The following ZNF814 variants were observed in gnomAD, a reference collection of about 807,000 sequenced individuals.
The protein encoded by ZNF814 is zinc finger protein 814.
ZNF814 carries 5 observed loss-of-function variants against 7.5 expected under a neutral mutation model. That is an observed-to-expected ratio of 0.67 (90% CI 0.35 to 1.40). The LOEUF is 1.40. Ranked by LOEUF, ZNF814 falls within the 40% of genes most tolerant of loss-of-function variation. The probability of loss-of-function intolerance (pLI) is 0.04; values close to 1 mark genes in which losing one functional copy is unlikely to be tolerated. For synonymous variants in ZNF814, 315 were observed against 340.7 expected, an observed-to-expected ratio of 0.92 and a Z score of 0.83; for missense variants, 962 against 1,018.0, an observed-to-expected ratio of 0.94 and a Z score of 0.75.
Position 57,879,434 on chromosome 19 carries a change from GTGAATGCATAACACAGGTTA to G in ZNF814, c.37-2412_37-2393del, listed in dbSNP as rs546933365. On this transcript the variant is annotated intron_variant, in intron 1 of 2. Coordinates refer to ENST00000435989, the MANE Select transcript of ZNF814 (RefSeq NM_001144989.2). ...ATTGTCACTTACCTCCCTCTCCTGT[GTGAATGCATAACACAGGTTA>G]TGAATGCCAATAATGTCCGCCAGGG... 4.0e-3 allele frequency among the ~76,000 whole-genome samples: 590 copies of G among 148,872 alleles called. 3 individuals are homozygous for G. Among genetic ancestry groups the G allele is most frequent in the African/African-American group, 0.014 (567 of 40,538 alleles).
At chr19:57,903,664 G>A in the ZNF814 span, among the ~76,000 whole-genome samples, 1 of 152,208 alleles carries the variant, frequency 6.6e-6, no homozygotes, top group African/African-American at 2.4e-5. Flanking sequence ...CCAATGGGTT[G>A]TCTGCAATCA....
rs1386756654 is a variant in ZNF814, at chr19:57,888,982, T to C, written c.-180A>G. On this transcript the variant is annotated 5_prime_UTR_variant, in exon 1 of 3. Coordinates refer to ENST00000435989, the MANE Select transcript of ZNF814 (RefSeq NM_001144989.2). ...CGACTTCTGGGTTCAGTCACCACAG[T>C]GCGGACCTAGCGCTCAGGAGCCTCT... The C allele has an allele frequency of 6.6e-5, 42 of 640,632 alleles. No individual in the cohort carries two copies. In the East Asian group the frequency reaches 1.1e-3, roughly 16 times the overall value. 39.7% of individuals were successfully genotyped at this position (640,632 alleles called of 1,614,324 possible). A position where few individuals can be genotyped will look rare whatever the true frequency, so the allele number is the denominator to read the frequency against.
the ZNF814 span, among the ~76,000 whole-genome samples, chr19:57,895,342 C>T: frequency 6.7e-6 from 1 of 149,652 alleles, no homozygotes; most frequent in East Asian, 2.0e-4. Flanking sequence ...GTGGTGCGAT[C>T]TCGGCTCACT....
At chr19:57,887,255 T>C (rs2071700819) in intron 1 of ZNF814, among the ~76,000 whole-genome samples, 1 of 152,160 alleles carries the variant, frequency 6.6e-6, no homozygotes, top group Admixed American at 6.5e-5. Flanking sequence ...ACAAGGAAAC[T>C]CTTCCACTAT....
At chr19:57,901,786 C>A in the ZNF814 span, 2 of 398,500 alleles carry the variant, frequency 5.0e-6, no homozygotes, top group Non-Finnish European at 8.8e-6. Flanking sequence ...CTTACTGTGG[C>A]GGTAAGCCTC....
At chr19:57,892,698 C>A (rs140647703), upstream of ZNF814, among the ~76,000 whole-genome samples, 2 of 152,342 alleles carry the variant, frequency 1.3e-5, no homozygotes, top group Non-Finnish European at 2.9e-5. Context: ...GATCCCCTTG[C>A]TACTGACAAG....
At chr19:57,876,817 C>T (rs2071610511) in intron 2 of ZNF814, 99 bp downstream of exon 2, 2 of 1,558,174 alleles carry the variant, frequency 1.3e-6, no homozygotes, top group African/African-American at 2.7e-5. Context: ...AAGCAGGAAG[C>T]TGTGTCCATG....
chr19:57,904,145 T>G, the ZNF814 span, among the ~76,000 whole-genome samples: 1 of 152,126 alleles, frequency 6.6e-6, no homozygotes, highest in Non-Finnish European at 1.5e-5. Context: ...ATAAATTGAT[T>G]GTATCTTGAA....
At chr19:57,900,839 A>AG in the ZNF814 span, among the ~76,000 whole-genome samples, 1 of 45,782 alleles carries the variant, frequency 2.2e-5, no homozygotes, top group African/African-American at 8.0e-5. Context: ...CCATGGCTGC[A>AG]TTTTTTTTTT....
In ZNF814 at chr19:57,871,799, A is replaced by T. The variant is rs1224725528; in HGVS notation, c.*1023T>A. ...CAAATCCTTCTGTGACTCGATCAGAAATTAAAAGTTAAAAAAAAAAAAAAA... is the reference window on the plus strand; with the variant it reads ...CAAATCCTTCTGTGACTCGATCAGATATTAAAAGTTAAAAAAAAAAAAAAA... On this transcript the variant is annotated 3_prime_UTR_variant, in exon 3 of 3. Coordinates refer to ENST00000435989, the MANE Select transcript of ZNF814 (RefSeq NM_001144989.2). 3.5e-5 allele frequency: 5 copies of T among 141,282 alleles called. No individual in the cohort carries two copies. Among genetic ancestry groups the T allele is most frequent in the Non-Finnish European group, 7.5e-5 (5 of 66,474 alleles). The allele number at this position is 141,282 out of a possible 1,614,324, so 8.8% of individuals were successfully genotyped here. A position where few individuals can be genotyped will look rare whatever the true frequency, so the allele number is the denominator to read the frequency against.
At chr19:57,886,037 T>C (rs2071690548) in intron 1 of ZNF814, 2 of 150,110 alleles carry the variant, frequency 1.3e-5, no homozygotes, top group African/African-American at 4.9e-5. Context: ...ACACCTATTA[T>C]ATACCCACAA....
chr19:57,873,518 G>A lies in ZNF814; in HGVS notation c.1872C>T (p.Arg624=). ...SHKRSLVHHQ[R]MHTGERPYKC... ...TGTAAGGTCTTTCTCCAGTGTGCAT[G>A]CGCTGATGGTGAACAAGGCTGCGCT... is the stretch of plus-strand genomic sequence containing the variant. The change falls in exon 3 of 3, where the codon CGC becomes CGT. Residue 624 remains arginine (R), a synonymous_variant. Transcript: ENST00000435989. The A allele has an allele frequency of 6.2e-7, 1 of 1,612,628 alleles. No homozygotes were observed.
At position 57,869,598 on chromosome 19, in the gene ZNF814, A is replaced by C. The variant is rs2071538659; in HGVS notation, c.*3224T>G. 2.0e-5 allele frequency: 3 copies of C among 152,194 alleles called. No individual in the cohort carries two copies. The highest frequency in any genetic ancestry group is 2.0e-4 in the Admixed American group (3 of 15,264). The allele number at this position is 152,194 out of a possible 1,614,324, so 9.4% of individuals were successfully genotyped here. ...AAACTCAAGATTTATCACATGCTACAGCTTAAATATGCATAGCTTACTGAA... is the reference window on the plus strand; with the variant it reads ...AAACTCAAGATTTATCACATGCTACCGCTTAAATATGCATAGCTTACTGAA... On this transcript the variant is annotated 3_prime_UTR_variant, in exon 3 of 3. Coordinates refer to ENST00000435989, the MANE Select transcript of ZNF814 (RefSeq NM_001144989.2).
chr19:57,872,483 A>T lies in ZNF814; in HGVS notation c.*339T>A, dbSNP rs1219000927. ...AAGAGGTGTGGCTACAAAATTGCCC[A>T]AATGTATTTTATTTGTCTAGTGTGA... On this transcript the variant is annotated 3_prime_UTR_variant, in exon 3 of 3. Transcript: ENST00000435989. 8.5e-6 allele frequency: 4 copies of T among 470,986 alleles called. No homozygotes were observed. 29.2% of individuals were successfully genotyped at this position (470,986 alleles called of 1,614,324 possible). A position where few individuals can be genotyped will look rare whatever the true frequency, so the allele number is the denominator to read the frequency against.
At chr19:57,885,417 T>A (rs971466505) in intron 1 of ZNF814, among the ~76,000 whole-genome samples, 2 of 150,904 alleles carry the variant, frequency 1.3e-5, no homozygotes, top group Non-Finnish European at 3.0e-5. Context: ...GATCATGAGG[T>A]CAGGAGTTCA....
the ZNF814 span, among the ~76,000 whole-genome samples, chr19:57,902,455 T>G: frequency 6.6e-6 from 1 of 152,138 alleles, no homozygotes; most frequent in Non-Finnish European, 1.5e-5. Context: ...CCAAAAATGA[T>G]ATCTCCTGCC....
intron 1 of ZNF814, among the ~76,000 whole-genome samples, chr19:57,884,070 T>G (rs1414500790): frequency 2.0e-5 from 3 of 152,132 alleles, no homozygotes; most frequent in African/African-American, 7.2e-5. Context: ...AAAGACTTCT[T>G]GAGTAATACC....
intron 1 of ZNF814, among the ~76,000 whole-genome samples, chr19:57,884,305 T>C (rs933605386): frequency 4.6e-5 from 7 of 152,188 alleles, no homozygotes; most frequent in African/African-American, 1.7e-4. Flanking sequence ...AAAATCTCAA[T>C]AGACATTTCT....
intron 2 of ZNF814, among the ~76,000 whole-genome samples, chr19:57,876,321 A>G (rs1216133078): frequency 6.6e-6 from 1 of 151,916 alleles, no homozygotes; most frequent in Admixed American, 6.6e-5. Flanking sequence ...ATTCATTTGC[A>G]TCTTCTGGAT....
Sources: gnomAD v4.1 joint callset for allele counts (sites outside exome capture counted in the v4.1 genomes callset) on GRCh38, gnomAD v4.1.1 for gene constraint, MANE v1.5 for transcripts, NCBI Gene and HGNC (gene_info 2026-07-23, HGNC 2026-07-21) for gene names.